CNTN5: variants seen among roughly 807,000 people sequenced by gnomAD.
The protein encoded by CNTN5 is contactin 5, also known as contactin-5.
A neutral mutation model predicts 129.1 loss-of-function variants in CNTN5; 77 were observed. The ratio of observed to expected loss-of-function variants is 0.60; its 90% CI spans 0.50 to 0.72. The LOEUF is 0.72. Ranked by LOEUF, CNTN5 falls within the 30% of genes least tolerant of loss-of-function variation. The probability of loss-of-function intolerance (pLI) is 0.00; values close to 1 mark genes in which losing one functional copy is unlikely to be tolerated. For missense variants in CNTN5, 1,478 were observed against 1,328.8 expected (o/e 1.11, Z -1.75); for synonymous variants, 509 against 465.6 (o/e 1.09, Z -1.20).
At chr11:99,505,352 T>C (rs887093638) in intron 2 of CNTN5, among the ~76,000 whole-genome samples, 1 of 152,248 alleles carries the variant, frequency 6.6e-6, no homozygotes, top group Admixed American at 6.5e-5. Flanking sequence ...ATCAGTACTC[T>C]TTGTCCTGCT....
At chr11:99,761,290 A>G (rs1944572255) in intron 3 of CNTN5, among the ~76,000 whole-genome samples, 1 of 151,984 alleles carries the variant, frequency 6.6e-6, no homozygotes, top group Non-Finnish European at 1.5e-5. Context: ...TTATACTTTA[A>G]GTTTTAGGGT....
At chr11:99,533,570 G>A (rs923646338) in intron 2 of CNTN5, among the ~76,000 whole-genome samples, 10 of 152,236 alleles carry the variant, frequency 6.6e-5, no homozygotes, top group African/African-American at 1.9e-4. Context: ...TCAGTAGGGA[G>A]AAGGCTGGTG....
chr11:100,191,258 G>A lies in CNTN5; in HGVS notation c.1708+5G>A, dbSNP rs1215237179. The A allele has an allele frequency of 3.7e-6, 6 of 1,609,016 alleles. No homozygotes were observed. The highest frequency in any genetic ancestry group is 5.1e-6 in the Non-Finnish European group (6 of 1,177,626). ...TAGCTTCGCTATCTGTAAAAGGTAA[G>A]ACAGCACGGGTAAATGTTTTACAAG... is the stretch of plus-strand genomic sequence containing the variant. On this transcript the variant is annotated splice_donor_5th_base_variant and intron_variant, in intron 14 of 24. Coordinates refer to ENST00000524871, the MANE Select transcript of CNTN5 (RefSeq NM_014361.4).
Position 99,988,965 on chromosome 11 carries a change from T to C in CNTN5, c.878-13069T>C, listed in dbSNP as rs556340766. Among the ~76,000 whole-genome samples the C allele has an allele frequency of 2.6e-5, 4 of 152,274 alleles. No individual in the cohort carries two copies. The East Asian group carries it at 7.7e-4, about 29-fold the overall frequency. ...CTGCCTCCTTTCAGTTTTTTGTTTG[T>C]TTGTTTGTTTTTGCAGAAAGGACTG... On this transcript the variant is annotated intron_variant, in intron 8 of 24. Coordinates refer to ENST00000524871, the MANE Select transcript of CNTN5 (RefSeq NM_014361.4).
intron 3 of CNTN5, among the ~76,000 whole-genome samples, chr11:99,718,384 T>C (rs951209511): frequency 1.3e-5 from 2 of 152,134 alleles, no homozygotes; most frequent in Non-Finnish European, 2.9e-5. Context: ...GCATAACAGA[T>C]CCTGTTTTCA....
intron 2 of CNTN5, among the ~76,000 whole-genome samples, chr11:99,392,960 T>G (rs528065548): frequency 6.6e-6 from 1 of 151,832 alleles, no homozygotes; most frequent in Non-Finnish European, 1.5e-5. Flanking sequence ...TTGAATAGCA[T>G]GTGGAAATAA....
chr11:100,042,016 T>A (rs1399780622), intron 9 of CNTN5, among the ~76,000 whole-genome samples: 1 of 152,154 alleles, frequency 6.6e-6, no homozygotes, highest in Non-Finnish European at 1.5e-5. Context: ...GAAGGCCAAT[T>A]ATTCTAATCA....
intron 3 of CNTN5, among the ~76,000 whole-genome samples, chr11:99,697,311 G>A (rs554548939): frequency 6.6e-6 from 1 of 151,456 alleles, no homozygotes; most frequent in African/African-American, 2.4e-5. Flanking sequence ...GAGAGAAAAA[G>A]AGGGGGAGAG....
At chr11:100,061,973 CT>C (rs1943502221) in intron 10 of CNTN5, among the ~76,000 whole-genome samples, 1 of 152,170 alleles carries the variant, frequency 6.6e-6, no homozygotes, top group Non-Finnish European at 1.5e-5. Flanking sequence ...TAAATAGCCC[CT>C]ACAGCCTGCA....
intron 3 of CNTN5, among the ~76,000 whole-genome samples, chr11:99,726,207 C>T (rs1403380384): frequency 6.6e-6 from 1 of 152,164 alleles, no homozygotes; most frequent in Non-Finnish European, 1.5e-5. Flanking sequence ...CCAAAGAGTC[C>T]TAAGACAGTA....
chr11:99,098,202 A>T (rs932105157), intron 1 of CNTN5, among the ~76,000 whole-genome samples: 3 of 152,094 alleles, frequency 2.0e-5, no homozygotes, highest in Non-Finnish European at 4.4e-5. Flanking sequence ...CTTTTTGGTC[A>T]TAAAAAGATA....
intron 3 of CNTN5, among the ~76,000 whole-genome samples, chr11:99,753,581 G>A (rs772445058): frequency 6.8e-6 from 1 of 146,330 alleles, no homozygotes; most frequent in East Asian, 2.0e-4. Context: ...TTATCAGCTT[G>A]TGGCCCCACT....
chr11:99,034,098 C>G (rs1251935909), intron 1 of CNTN5, among the ~76,000 whole-genome samples: 1 of 152,294 alleles, frequency 6.6e-6, no homozygotes, highest in African/African-American at 2.4e-5. Context: ...TTCAACCAGC[C>G]TTGCATCCCA....
chr11:99,146,431 C>T (rs1197217337), intron 1 of CNTN5, among the ~76,000 whole-genome samples: 4 of 152,014 alleles, frequency 2.6e-5, no homozygotes, highest in African/African-American at 9.7e-5. Flanking sequence ...AAAGTTTGAT[C>T]TCCAAATTTT....
rs368835794 is a variant in CNTN5, at chr11:99,618,377, G to C, written c.55+62108G>C. Among the ~76,000 whole-genome samples the C allele has an allele frequency of 2.2e-4, 34 of 152,266 alleles. 1 individual carries two copies. In the South Asian group the frequency reaches 6.6e-3, roughly 30 times the overall value. On this transcript the variant is annotated intron_variant, in intron 3 of 24. Coordinates refer to ENST00000524871, the MANE Select transcript of CNTN5 (RefSeq NM_014361.4). The stretch of plus-strand genomic sequence containing the variant: ...ATTGCTTTCAACTGGGCAATGATTT[G>C]ATGTGCCAGTCATTTTACAAATATA...
intron 2 of CNTN5, among the ~76,000 whole-genome samples, chr11:99,388,871 A>C (rs1052517328): frequency 1.3e-5 from 2 of 152,170 alleles, no homozygotes; most frequent in African/African-American, 4.8e-5. Context: ...TACACAGTGC[A>C]TAATACCCAT....
chr11:100,164,618 A>G (rs1218338199), intron 13 of CNTN5, among the ~76,000 whole-genome samples: 1 of 151,894 alleles, frequency 6.6e-6, no homozygotes, highest in Non-Finnish European at 1.5e-5. Context: ...ACCATAAATT[A>G]TAACACTAGT....
At chr11:100,057,260 A>G (rs1232063115) in intron 9 of CNTN5, among the ~76,000 whole-genome samples, 1 of 148,168 alleles carries the variant, frequency 6.7e-6, no homozygotes, top group Non-Finnish European at 1.5e-5. Flanking sequence ...ATATATAAAT[A>G]TATATAAAGT....
At chr11:99,623,795 T>A (rs1239192978) in intron 3 of CNTN5, among the ~76,000 whole-genome samples, 1 of 152,004 alleles carries the variant, frequency 6.6e-6, no homozygotes, top group African/African-American at 2.4e-5. Flanking sequence ...TGTATTTATT[T>A]GTACTGATAT....
Sources: allele counts gnomAD v4.1 joint callset (sites outside exome capture counted in the v4.1 genomes callset), GRCh38; gene constraint gnomAD v4.1.1; transcripts MANE v1.5; gene names NCBI Gene and HGNC (gene_info 2026-07-23, HGNC 2026-07-21).